Variants in MBNL2 observed in about 807,000 individuals in gnomAD.
MBNL2 encodes muscleblind-like protein 2.
A neutral mutation model predicts 41.9 loss-of-function variants in MBNL2; 17 were observed. That is an observed-to-expected ratio of 0.41 (90% confidence interval 0.28 to 0.61). The LOEUF (loss-of-function observed/expected upper bound fraction) is 0.61, where lower values mean the gene tolerates loss of function less well. Ranked by LOEUF, MBNL2 falls within the 20% of genes least tolerant of loss-of-function variation. The probability of loss-of-function intolerance (pLI) is 0.35; values close to 1 mark genes in which losing one functional copy is unlikely to be tolerated. For missense variants in MBNL2, 336 were observed against 505.6 expected, an observed-to-expected ratio of 0.66 and a Z score of 3.22; for synonymous variants, 195 against 182.9, an observed-to-expected ratio of 1.07 and a Z score of -0.53.
intron 1 of MBNL2, among the ~76,000 whole-genome samples, chr13:97,249,701 C>T (rs965233676): frequency 6.6e-6 from 1 of 152,156 alleles, no homozygotes; most frequent in African/African-American, 2.4e-5. Flanking sequence ...CCTAGAAGTG[C>T]GAGCTTTAGG....
At chr13:97,166,825 T>TAGAC in the MBNL2 span, among the ~76,000 whole-genome samples, 1 of 137,548 alleles carries the variant, frequency 7.3e-6, no homozygotes. Flanking sequence ...GATAGATAGA[T>TAGAC]AGATAGATAG....
the MBNL2 span, among the ~76,000 whole-genome samples, chr13:97,144,136 G>T: frequency 6.6e-6 from 1 of 152,140 alleles, no homozygotes; most frequent in African/African-American, 2.4e-5. Flanking sequence ...GAGCCACCAC[G>T]CCCGGCTGTG....
At chr13:97,213,238 CAG>C in the MBNL2 span, among the ~76,000 whole-genome samples, 1 of 151,972 alleles carries the variant, frequency 6.6e-6, no homozygotes, top group Non-Finnish European at 1.5e-5. Context: ...TGGTTGTTGA[CAG>C]AAGAGAGTGA....
At chr13:97,232,509 T>C (rs2042522415) in intron 1 of MBNL2, among the ~76,000 whole-genome samples, 1 of 152,144 alleles carries the variant, frequency 6.6e-6, no homozygotes, top group African/African-American at 2.4e-5. Flanking sequence ...AAATGAAGCT[T>C]AGAGAGACCA....
intron 2 of MBNL2, among the ~76,000 whole-genome samples, chr13:97,277,724 C>T (rs1194605193): frequency 6.6e-6 from 1 of 152,174 alleles, no homozygotes; most frequent in African/African-American, 2.4e-5. Context: ...CTGTAATCTA[C>T]ATCAATACCT....
At chr13:97,178,874 G>A in the MBNL2 span, among the ~76,000 whole-genome samples, 1 of 152,182 alleles carries the variant, frequency 6.6e-6, no homozygotes, top group Non-Finnish European at 1.5e-5. Context: ...TCCAGCCTGG[G>A]TGACAGAGAA....
the MBNL2 span, among the ~76,000 whole-genome samples, chr13:97,143,797 T>C: frequency 2.0e-5 from 3 of 152,226 alleles, no homozygotes; most frequent in African/African-American, 7.2e-5. Context: ...TATTTTTCGA[T>C]AGTTCAATGA....
At chr13:97,167,177 CAG>C in the MBNL2 span, among the ~76,000 whole-genome samples, 1 of 152,140 alleles carries the variant, frequency 6.6e-6, no homozygotes, top group Non-Finnish European at 1.5e-5. Flanking sequence ...TAAAATAGCA[CAG>C]AGTCATTCAA....
rs373725240 is a variant in MBNL2 at position 97,369,753 on chromosome 13, A to G, written c.1048+4582A>G. On this transcript the variant is annotated intron_variant, in intron 8 of 8. Coordinates refer to ENST00000679496, the MANE Select transcript of MBNL2 (RefSeq NM_001382683.1). ...CCTCAGGCTGAATCAAGGTGCCACC[A>G]ATAAAAGTTTTCACTGAATTTAGAC... Among the ~76,000 whole-genome samples the G allele has an allele frequency of 2.0e-5, 3 of 152,364 alleles. No homozygotes were observed. In the South Asian group the frequency reaches 6.2e-4, roughly 32 times the overall value.
chr13:97,306,984 A>G (rs1000375090), intron 2 of MBNL2, among the ~76,000 whole-genome samples: 1 of 152,224 alleles, frequency 6.6e-6, no homozygotes, highest in Admixed American at 6.5e-5. Context: ...AGTCTCCTGC[A>G]TGCCCAGCCC....
the MBNL2 span, among the ~76,000 whole-genome samples, chr13:97,154,169 C>T: frequency 6.6e-6 from 1 of 152,128 alleles, no homozygotes; most frequent in Admixed American, 6.6e-5. Flanking sequence ...CCTCTGGAAG[C>T]CCAAAGTCAT....
chr13:97,254,621 C>A (rs1285421631), intron 1 of MBNL2, among the ~76,000 whole-genome samples: 1 of 152,146 alleles, frequency 6.6e-6, no homozygotes, highest in Non-Finnish European at 1.5e-5. Flanking sequence ...ACCCACCCCT[C>A]CACTGTTCCC....
the MBNL2 span, among the ~76,000 whole-genome samples, chr13:97,199,515 A>G: frequency 6.6e-6 from 1 of 152,230 alleles, no homozygotes; most frequent in Non-Finnish European, 1.5e-5. Context: ...GGAATGAATG[A>G]ATAAACATGT....
the MBNL2 span, among the ~76,000 whole-genome samples, chr13:97,192,285 C>T: frequency 6.6e-6 from 1 of 152,166 alleles, no homozygotes; most frequent in Non-Finnish European, 1.5e-5. Context: ...TCTGACCCCA[C>T]CCCTACGTTT....
the MBNL2 span, among the ~76,000 whole-genome samples, chr13:97,151,125 T>G: frequency 6.6e-6 from 1 of 152,164 alleles, no homozygotes; most frequent in Non-Finnish European, 1.5e-5. Context: ...GGCTGAATGG[T>G]CACTGCCTTG....
At chr13:97,153,113 G>A in the MBNL2 span, among the ~76,000 whole-genome samples, 1 of 152,078 alleles carries the variant, frequency 6.6e-6, no homozygotes, top group African/African-American at 2.4e-5. Flanking sequence ...AAATAAAAAA[G>A]TAAAAAATTA....
At position 97,222,362 on chromosome 13, in the gene MBNL2, A is replaced by G. The variant is rs1173418039; in HGVS notation, c.-774A>G. ...TGTCTTTGCTTCATCATCTGAAGGTAAAATTTTCCAGATACGGCAGACGGC... is the reference window on the plus strand; with the variant it reads ...TGTCTTTGCTTCATCATCTGAAGGTGAAATTTTCCAGATACGGCAGACGGC... On this transcript the variant is annotated 5_prime_UTR_variant, in exon 1 of 9. Coordinates refer to ENST00000679496, the MANE Select transcript of MBNL2 (RefSeq NM_001382683.1). 7.5e-6 allele frequency: 3 copies of G among 398,520 alleles called. No individual in the cohort carries two copies. Among genetic ancestry groups the G allele is most frequent in the African/African-American group, 2.1e-5 (1 of 48,654 alleles). 24.7% of individuals were successfully genotyped at this position (398,520 alleles called of 1,614,324 possible).
At chr13:97,302,401 G>A (rs2057716853) in intron 2 of MBNL2, among the ~76,000 whole-genome samples, 1 of 152,192 alleles carries the variant, frequency 6.6e-6, no homozygotes, top group Non-Finnish European at 1.5e-5. Context: ...TATTTTAGCT[G>A]TGGGGTGTGG....
chr13:97,338,640 T>C (rs1007421363), intron 3 of MBNL2, among the ~76,000 whole-genome samples: 1 of 152,146 alleles, frequency 6.6e-6, no homozygotes, highest in East Asian at 1.9e-4. Context: ...CCTCCTTCCC[T>C]TCCCAGAGCG....
Sources: gnomAD v4.1 joint callset for allele counts (sites outside exome capture counted in the v4.1 genomes callset) on GRCh38, gnomAD v4.1.1 for gene constraint, MANE v1.5 for transcripts, NCBI Gene and HGNC (gene_info 2026-07-23, HGNC 2026-07-21) for gene names.